Variants in KCNN3 observed in about 807,000 individuals in gnomAD.
KCNN3 encodes small conductance calcium-activated potassium channel protein 3.
KCNN3 carries 16 observed loss-of-function variants against 62.9 expected under a neutral mutation model. That is an observed-to-expected ratio of 0.25 (90% CI 0.17 to 0.39). The LOEUF is 0.39. Among genes scored for constraint, KCNN3 ranks in the 10% least tolerant of loss-of-function variants. The pLI is 1.00. For synonymous variants in KCNN3, 370 were observed against 389.2 expected (o/e 0.95, Z 0.58); for missense variants, 599 against 949.4 (o/e 0.63, Z 4.85).
At chr1:154,798,502 C>CTAT (rs1649822976) in intron 2 of KCNN3, among the ~76,000 whole-genome samples, 1 of 152,190 alleles carries the variant, frequency 6.6e-6, no homozygotes, top group Non-Finnish European at 1.5e-5. Context: ...TTATCTCTGA[C>CTAT]TATTAATCAG....
At chr1:154,785,853 G>A (rs1307965683) in intron 2 of KCNN3, among the ~76,000 whole-genome samples, 1 of 151,866 alleles carries the variant, frequency 6.6e-6, no homozygotes, top group Non-Finnish European at 1.5e-5. Context: ...AGCCATCCTC[G>A]GCCTTCCAAA....
Position 154,700,841 on chromosome 1 carries a change from AT to A in KCNN3, c.*7134del, listed in dbSNP as rs1351909822. The stretch of plus-strand genomic sequence containing the variant: ...TAATAATTTTAAAAAAGAAAAAATC[AT>A]TTAGTAGCAAAAAAAAGTGAAGAAA... On this transcript the variant is annotated 3_prime_UTR_variant, in exon 8 of 8. Coordinates refer to ENST00000271915, the MANE Select transcript of KCNN3 (RefSeq NM_002249.6). The A allele has an allele frequency of 1.3e-5, 2 of 152,124 alleles. No homozygotes were observed. The highest frequency in any genetic ancestry group is 6.5e-5 in the Admixed American group (1 of 15,274). The allele number at this position is 152,124 out of a possible 1,614,324, so 9.4% of individuals were successfully genotyped here.
Position 154,699,439 on chromosome 1 carries a change from T to C in KCNN3, c.*8537A>G, listed in dbSNP as rs1361323972. On this transcript the variant is annotated 3_prime_UTR_variant, in exon 8 of 8. Coordinates refer to ENST00000271915, the MANE Select transcript of KCNN3 (RefSeq NM_002249.6). ...TATGTATGTATAAATCTGTAAATAT[T>C]TGCCTACATACACGTCACACACACA... 1 of 152,144 alleles carries C rather than the reference T, an allele frequency of 6.6e-6. No individual in the cohort carries two copies. The highest frequency in any genetic ancestry group is 2.4e-5 in the African/African-American group (1 of 41,432). The allele number at this position is 152,144 out of a possible 1,614,324, so 9.4% of individuals were successfully genotyped here.
At chr1:154,732,907 G>C (rs770739725) in intron 4 of KCNN3, 96 bp downstream of exon 4, 117 of 1,399,444 alleles carry the variant, frequency 8.4e-5, no homozygotes, top group Non-Finnish European at 1.1e-4. Flanking sequence ...GCCACCCCCC[G>C]CTCTGCGGCT....
At chr1:154,818,254 T>C (rs1650747658) in intron 2 of KCNN3, among the ~76,000 whole-genome samples, 1 of 152,086 alleles carries the variant, frequency 6.6e-6, no homozygotes, top group African/African-American at 2.4e-5. Context: ...GAGGCTACCA[T>C]GCGGGAAACC....
intron 2 of KCNN3, among the ~76,000 whole-genome samples, chr1:154,800,646 C>A (rs1035204640): frequency 2.0e-5 from 3 of 152,146 alleles, no homozygotes; most frequent in African/African-American, 7.2e-5. Context: ...AGTTCTGATG[C>A]CAGCCAGCCT....
In KCNN3 at chr1:154,866,147, C is replaced by G. The variant is rs1469743922; in HGVS notation, c.933+2885G>C. On this transcript the variant is annotated intron_variant, in intron 1 of 7. Transcript: ENST00000271915. ...CACCTCCCCCCAAGAATAAACCATG[C>G]TTAAAGGTGGTCTCTAGTCAGACCC... Among the ~76,000 whole-genome samples, 3 of 152,154 alleles carry G rather than the reference C, an allele frequency of 2.0e-5. No individual in the cohort carries two copies. The East Asian group carries it at 5.8e-4, about 29-fold the overall frequency.
chr1:154,708,850 G>T (rs983398176), intron 7 of KCNN3, among the ~76,000 whole-genome samples: 1 of 152,202 alleles, frequency 6.6e-6, no homozygotes. Flanking sequence ...CAGACAGGAT[G>T]TAAAGTGAAT....
intron 1 of KCNN3, among the ~76,000 whole-genome samples, chr1:154,848,406 A>C (rs1371155065): frequency 2.0e-5 from 3 of 151,968 alleles, no homozygotes; most frequent in Admixed American, 2.0e-4. Context: ...CAACTATCGC[A>C]GTAACACTGC....
intron 1 of KCNN3, among the ~76,000 whole-genome samples, chr1:154,861,201 C>G (rs1652757457): frequency 6.6e-6 from 1 of 152,032 alleles, no homozygotes; most frequent in Non-Finnish European, 1.5e-5. Flanking sequence ...GTGATCCACC[C>G]TCCTTGGCCT....
At chr1:154,752,167 C>T (rs867918102) in intron 3 of KCNN3, among the ~76,000 whole-genome samples, 5 of 152,086 alleles carry the variant, frequency 3.3e-5, no homozygotes, top group African/African-American at 7.3e-5. Flanking sequence ...ACAATGATGA[C>T]GATGATGATT....
intron 1 of KCNN3, among the ~76,000 whole-genome samples, chr1:154,857,895 A>G (rs1285746175): frequency 4.6e-5 from 7 of 152,160 alleles, no homozygotes; most frequent in Non-Finnish European, 1.0e-4. Flanking sequence ...CTTTGGAGTC[A>G]TTCTTACGGA....
intron 6 of KCNN3, among the ~76,000 whole-genome samples, chr1:154,714,306 GTGGT>G (rs1700165754): frequency 6.9e-6 from 1 of 144,458 alleles, no homozygotes. Flanking sequence ...TGGTGTGTGT[GTGGT>G]TTGTGTGAGG....
chr1:154,773,104 G>A (rs979635877), intron 2 of KCNN3, among the ~76,000 whole-genome samples: 1 of 152,002 alleles, frequency 6.6e-6, no homozygotes, highest in Admixed American at 6.5e-5. Flanking sequence ...AGATGATTTC[G>A]TCACCCAGGT....
At chr1:154,744,067 T>G (rs1293908079) in intron 3 of KCNN3, among the ~76,000 whole-genome samples, 1 of 152,180 alleles carries the variant, frequency 6.6e-6, no homozygotes, top group Non-Finnish European at 1.5e-5. Context: ...GAGTCATTCT[T>G]CTCCACAGCG....
chr1:154,838,514 C>T (rs1053773158), intron 1 of KCNN3, among the ~76,000 whole-genome samples: 6 of 152,174 alleles, frequency 3.9e-5, no homozygotes, highest in Non-Finnish European at 7.3e-5. Flanking sequence ...CTAGCCATAC[C>T]GAGTTGCTCA....
chr1:154,808,925 C>A (rs932259738), intron 2 of KCNN3, among the ~76,000 whole-genome samples: 2 of 152,186 alleles, frequency 1.3e-5, no homozygotes, highest in African/African-American at 4.8e-5. Flanking sequence ...ACACAGCAGG[C>A]AGGTGTCGGG....
rs1028427477 is a variant in KCNN3, at chr1:154,701,902, T to C, written c.*6074A>G. The C allele has an allele frequency of 6.6e-6, 1 of 152,218 alleles. No homozygotes were observed. Among genetic ancestry groups the C allele is most frequent in the Non-Finnish European group, 1.5e-5 (1 of 68,040 alleles). The allele number at this position is 152,218 out of a possible 1,614,324, so 9.4% of individuals were successfully genotyped here. A position where few individuals can be genotyped will look rare whatever the true frequency, so the allele number is the denominator to read the frequency against. ...AAACAGGACTCTTTCTTATGTCCAA[T>C]TCTGACATTGTCAAAGGAAAACTGG... is the stretch of plus-strand genomic sequence containing the variant. On this transcript the variant is annotated 3_prime_UTR_variant, in exon 8 of 8. Transcript: ENST00000271915.
At chr1:154,842,237 G>A (rs977040469) in intron 1 of KCNN3, among the ~76,000 whole-genome samples, 6 of 152,150 alleles carry the variant, frequency 3.9e-5, no homozygotes, top group Non-Finnish European at 8.8e-5. Context: ...TGATCATGGC[G>A]GCCCCCTTCT....
Sources: allele counts gnomAD v4.1 joint callset (sites outside exome capture counted in the v4.1 genomes callset), GRCh38; gene constraint gnomAD v4.1.1; transcripts MANE v1.5; gene names NCBI Gene and HGNC (gene_info 2026-07-23, HGNC 2026-07-21).